Variants in EPHA7 observed in about 807,000 individuals in gnomAD.
EPHA7 encodes the protein EPH receptor A7.
In EPHA7, 25 loss-of-function variants were observed where a neutral mutation model predicts 112.6. The ratio of observed to expected loss-of-function variants is 0.22; its 90% CI spans 0.16 to 0.31. The LOEUF (loss-of-function observed/expected upper bound fraction) is 0.31, where lower values mean the gene tolerates loss of function less well. Ranked by LOEUF, EPHA7 falls within the 10% of genes least tolerant of loss-of-function variation. The pLI is 1.00. For synonymous variants in EPHA7, 437 were observed against 406.5 expected, an observed-to-expected ratio of 1.07 and a Z score of -0.90; for missense variants, 962 against 1,212.6, an observed-to-expected ratio of 0.79 and a Z score of 3.07.
intron 5 of EPHA7, among the ~76,000 whole-genome samples, chr6:93,286,966 A>G (rs1230905603): frequency 1.3e-5 from 2 of 152,224 alleles, no homozygotes; most frequent in Admixed American, 1.3e-4. Flanking sequence ...AAGACTTTCA[A>G]TAACATTTAA....
chr6:93,259,664 T>C (rs1217642311), intron 9 of EPHA7, among the ~76,000 whole-genome samples, 185 bp from the exon 10 acceptor site: 2 of 151,990 alleles, frequency 1.3e-5, no homozygotes, highest in African/African-American at 4.8e-5. Context: ...CAAGCTTCTA[T>C]AGGTAACATA....
chr6:93,387,155 T>C (rs1275189829), intron 3 of EPHA7, among the ~76,000 whole-genome samples: 1 of 152,154 alleles, frequency 6.6e-6, no homozygotes, highest in African/African-American at 2.4e-5. Context: ...ACTTGTATGC[T>C]CTGTTTCCTC....
At chr6:93,385,583 C>T (rs1777558313) in intron 3 of EPHA7, among the ~76,000 whole-genome samples, 1 of 151,950 alleles carries the variant, frequency 6.6e-6, no homozygotes, top group African/African-American at 2.4e-5. Context: ...TACTTGCACC[C>T]CACTTATTAA....
chr6:93,260,566 T>C (rs1770641249), intron 9 of EPHA7: 1 of 956,872 alleles, frequency 1.0e-6, no homozygotes, highest in Non-Finnish European at 1.2e-6. Context: ...TTTCTTTATA[T>C]ATTACACTGC....
At position 93,410,457 on chromosome 6, in the gene EPHA7, A is replaced by G; in HGVS notation, c.832+44T>C. 1 of 1,541,234 alleles carries G rather than the reference A, an allele frequency of 6.5e-7. No individual in the cohort carries two copies. The highest frequency in any genetic ancestry group is 2.3e-5 in the East Asian group (1 of 44,274). The stretch of plus-strand genomic sequence containing the variant: ...AAAGTTTAAAATGTCTGATACTGAA[A>G]TTTAAAAAGGCAAAGTGGAGTTTTA... On this transcript the variant is annotated intron_variant, in intron 3 of 16. Coordinates refer to ENST00000369303, the MANE Select transcript of EPHA7 (RefSeq NM_004440.4). The surrounding 1 kb of genome is among the most constrained non-coding windows in gnomAD (Gnocchi z 4.0).
chr6:93,353,417 T>A (rs1163510047), intron 5 of EPHA7, among the ~76,000 whole-genome samples: 1 of 152,188 alleles, frequency 6.6e-6, no homozygotes, highest in Non-Finnish European at 1.5e-5. Context: ...TAAGAACCTC[T>A]ATCATAAGAT....
Position 93,419,448 on chromosome 6 carries a change from T to A in EPHA7, c.-107A>T. ...TGTTTTATTGTGCTCCTTGCATCGA[T>A]TCCCCTTCTCGGTCCCCGATCGGCT... On this transcript the variant is annotated 5_prime_UTR_variant, in exon 1 of 17. Coordinates refer to ENST00000369303, the MANE Select transcript of EPHA7 (RefSeq NM_004440.4). 1.2e-6 allele frequency: 1 copy of A among 846,354 alleles called. No individual in the cohort carries two copies. The highest frequency in any genetic ancestry group is 1.8e-6 in the Non-Finnish European group (1 of 543,168). 52.4% of individuals were successfully genotyped at this position (846,354 alleles called of 1,614,324 possible).
At chr6:93,257,197 A>G (rs1770478701) in intron 12 of EPHA7, among the ~76,000 whole-genome samples, 1 of 152,046 alleles carries the variant, frequency 6.6e-6, no homozygotes, top group Non-Finnish European at 1.5e-5. Flanking sequence ...ATGAATTCAA[A>G]TTACAGGGCT....
At chr6:93,267,834 T>C (rs970102405) in intron 7 of EPHA7, among the ~76,000 whole-genome samples, 2 of 151,742 alleles carry the variant, frequency 1.3e-5, no homozygotes, top group African/African-American at 4.8e-5. Context: ...TAAATTCATC[T>C]TGAAACTTTT....
intron 6 of EPHA7, among the ~76,000 whole-genome samples, chr6:93,270,602 T>G (rs1771168708): frequency 6.6e-6 from 1 of 151,662 alleles, no homozygotes; most frequent in Admixed American, 6.6e-5. Context: ...TGTGTTCAAC[T>G]TTATCTGGCA....
rs936373099 is a variant in EPHA7, at chr6:93,254,555, A to G, written c.2532+92T>C. 3.1e-6 allele frequency: 3 copies of G among 955,820 alleles called. No homozygotes were observed. In the Admixed American group the frequency reaches 8.2e-5, roughly 26 times the overall value. The allele number at this position is 955,820 out of a possible 1,614,324, so 59.2% of individuals were successfully genotyped here. A position where few individuals can be genotyped will look rare whatever the true frequency, so the allele number is the denominator to read the frequency against. ...AAACTGTATTTTTATAATTATTTAA[A>G]AGTGTTCTTAATGAGCCTTTACCTA... On this transcript the variant is annotated intron_variant, in intron 14 of 16. Coordinates refer to ENST00000369303, the MANE Select transcript of EPHA7 (RefSeq NM_004440.4).
chr6:93,363,108 A>G (rs1023898482), intron 3 of EPHA7, among the ~76,000 whole-genome samples: 1 of 152,104 alleles, frequency 6.6e-6, no homozygotes, highest in Non-Finnish European at 1.5e-5. Context: ...ATGGCTGAAC[A>G]TTAGGAAGGC....
chr6:93,331,770 CAATT>C (rs1238434307), intron 5 of EPHA7, among the ~76,000 whole-genome samples: 1 of 151,482 alleles, frequency 6.6e-6, no homozygotes, highest in Non-Finnish European at 1.5e-5. Context: ...TTTAGTTTAT[CAATT>C]AATTATTTCT....
intron 5 of EPHA7, among the ~76,000 whole-genome samples, chr6:93,278,803 C>T (rs552938417): frequency 2.1e-4 from 32 of 151,800 alleles, no homozygotes; most frequent in Non-Finnish European, 3.8e-4. Context: ...ATTTAATTCA[C>T]GTTTTAAAGC....
chr6:93,403,053 C>A lies in EPHA7; in HGVS notation c.832+7448G>T, dbSNP rs78088916. The stretch of plus-strand genomic sequence containing the variant: ...GAATAAATTCTTCAACTCCAGAAGA[C>A]AGTCTTGTTTATGTTTGCTAATTAT... On this transcript the variant is annotated intron_variant, in intron 3 of 16. Coordinates refer to ENST00000369303, the MANE Select transcript of EPHA7 (RefSeq NM_004440.4). 3.7e-4 allele frequency among the ~76,000 whole-genome samples: 57 copies of A among 152,124 alleles called. 1 individual carries two copies. The East Asian group carries it at 0.011, about 29-fold the overall frequency.
chr6:93,411,864 C>A (rs1035229763), intron 2 of EPHA7, among the ~76,000 whole-genome samples: 2 of 151,926 alleles, frequency 1.3e-5, no homozygotes, highest in East Asian at 1.9e-4. Context: ...ATGTACATGG[C>A]AAATCTGCAT....
At chr6:93,364,858 A>G (rs955936096) in intron 3 of EPHA7, among the ~76,000 whole-genome samples, 2 of 152,196 alleles carry the variant, frequency 1.3e-5, no homozygotes, top group South Asian at 4.1e-4. Context: ...AGTTTCATAA[A>G]TAATAGCTTA....
intron 5 of EPHA7, among the ~76,000 whole-genome samples, chr6:93,282,274 C>T (rs2127899212): frequency 6.6e-6 from 1 of 152,292 alleles, no homozygotes; most frequent in East Asian, 1.9e-4. Context: ...ATAATAAATC[C>T]TATTTATCCA....
rs1241924796 is a variant in EPHA7 at position 93,349,251 on chromosome 6, GT to G, written c.1324+7465del. Among the ~76,000 whole-genome samples the G allele has an allele frequency of 1.2e-4, 18 of 151,724 alleles. No homozygotes were observed. The South Asian group carries it at 3.5e-3, about 30-fold the overall frequency. ...AATGTAAATGTATCTATATATATAT[GT>G]TTTCATATTTATGGTGTCACAAAAA... On this transcript the variant is annotated intron_variant, in intron 5 of 16. Coordinates refer to ENST00000369303, the MANE Select transcript of EPHA7 (RefSeq NM_004440.4).
Sources: allele counts gnomAD v4.1 joint callset (sites outside exome capture counted in the v4.1 genomes callset), GRCh38; gene constraint gnomAD v4.1.1; non-coding constraint Gnocchi (gnomAD v3.1); transcripts MANE v1.5; gene names NCBI Gene and HGNC (gene_info 2026-07-23, HGNC 2026-07-21).